SPATA19: variants seen among roughly 807,000 people sequenced by gnomAD.
SPATA19 encodes spermatogenesis associated 19.
Under a neutral mutation model 25.0 loss-of-function variants are expected in SPATA19, and 19 were observed. The ratio of observed to expected loss-of-function variants is 0.76; its 90% CI spans 0.53 to 1.11. The LOEUF (loss-of-function observed/expected upper bound fraction) is 1.11. Among genes scored for constraint, SPATA19 ranks in the 50% most tolerant of loss-of-function variants. SPATA19 has a pLI of 0.00. For missense variants in SPATA19, 222 were observed against 211.4 expected (o/e 1.05, Z -0.31); for synonymous variants, 64 against 69.3 (o/e 0.92, Z 0.38).
chr11:133,842,676 G>T, intron 4 of SPATA19, 114 bp from the exon 5 acceptor site: 1 of 845,608 alleles, frequency 1.2e-6, no homozygotes, highest in Non-Finnish European at 2.0e-6. Context: ...CTGACACCAT[G>T]AACTTTTGAG....
chr11:133,841,395 T>G (rs975842115), intron 6 of SPATA19, among the ~76,000 whole-genome samples: 2 of 152,230 alleles, frequency 1.3e-5, no homozygotes. Context: ...GTAAGCATGC[T>G]GAGGTCGCTG....
downstream of SPATA19, among the ~76,000 whole-genome samples, chr11:133,836,174 G>T (rs1938208995): frequency 6.6e-6 from 1 of 152,080 alleles, no homozygotes; most frequent in Non-Finnish European, 1.5e-5. Flanking sequence ...GGTTTTTGGT[G>T]TGTCCATGAA....
At position 133,844,279 on chromosome 11, in the gene SPATA19, T is replaced by C; in HGVS notation, c.326A>G (p.Glu109Gly). 6.2e-7 allele frequency: 1 copy of C among 1,614,178 alleles called. No homozygotes were observed. Among genetic ancestry groups the C allele is most frequent in the South Asian group, 1.1e-5 (1 of 91,084 alleles). Residue 109 changes from glutamate (E) to glycine (G), a missense_variant, in exon 4 of 7, where the codon GAG becomes GGG. Transcript: ENST00000299140. Reference protein sequence around the residue: ...LLANQSQEVLEERTRIQFIRW... With the variant: ...LLANQSQEVLGERTRIQFIRW... ...TATGAACTGGATTCGTGTTCTCTCC[T>C]CTAGGACCTCTTGGCTCTGGTTTGC... is the stretch of plus-strand genomic sequence containing the variant.
downstream of SPATA19, among the ~76,000 whole-genome samples, chr11:133,837,166 A>G (rs1372576273): frequency 6.6e-6 from 1 of 152,182 alleles, no homozygotes; most frequent in African/African-American, 2.4e-5. Flanking sequence ...CATCCTAACA[A>G]TAAGAACTGA....
intron 2 of SPATA19, 107 bp from the exon 3 acceptor site, chr11:133,844,747 A>G: frequency 7.9e-7 from 1 of 1,266,670 alleles, no homozygotes; most frequent in African/African-American, 1.5e-5. Context: ...CTCACACACC[A>G]CATATTCACA....
chr11:133,842,949 T>A (rs1938342560), intron 4 of SPATA19, among the ~76,000 whole-genome samples: 1 of 152,168 alleles, frequency 6.6e-6, no homozygotes, highest in Non-Finnish European at 1.5e-5. Flanking sequence ...GGTTCAGAGA[T>A]GCTTCTAGGA....
intron 6 of SPATA19, among the ~76,000 whole-genome samples, chr11:133,841,725 G>T (rs748891071): frequency 4.6e-5 from 7 of 152,178 alleles, no homozygotes; most frequent in African/African-American, 1.7e-4. Context: ...AAAATTGCAG[G>T]CTCCACCACA....
intron 6 of SPATA19, 42 bp downstream of exon 6, chr11:133,841,988 A>C (rs1303040797): frequency 6.3e-7 from 1 of 1,576,252 alleles, no homozygotes; most frequent in African/African-American, 1.3e-5. Flanking sequence ...GCCCAGGATA[A>C]CCATCTTCTC....
intron 5 of SPATA19, 75 bp from the exon 6 acceptor site, chr11:133,842,180 G>A: frequency 1.4e-6 from 2 of 1,461,660 alleles, no homozygotes; most frequent in East Asian, 4.5e-5. Flanking sequence ...CCACGGCACA[G>A]GGGCTGCGGT....
In SPATA19 at chr11:133,842,117, AGAG is replaced by A. The variant is rs1275469823; in HGVS notation, c.438-15_438-13del. The A allele has an allele frequency of 6.2e-7, 1 of 1,613,828 alleles. No homozygotes were observed. The highest frequency in any genetic ancestry group is 1.7e-5 in the Admixed American group (1 of 60,034). On this transcript the variant is annotated splice_polypyrimidine_tract_variant and intron_variant, in intron 5 of 6. Coordinates refer to ENST00000299140, the MANE Select transcript of SPATA19 (RefSeq NM_174927.3). ...TAAGACGGGATATGCTGCAGGGGACAGAGGAGAAGGGCCAGGTGGAGGGAGGCT... is the reference window on the plus strand; with the variant it reads ...TAAGACGGGATATGCTGCAGGGGACAGAGAAGGGCCAGGTGGAGGGAGGCT...
chr11:133,838,940 C>T (rs1356172352), downstream of SPATA19, among the ~76,000 whole-genome samples: 2 of 152,162 alleles, frequency 1.3e-5, no homozygotes, highest in Admixed American at 6.5e-5. Flanking sequence ...ATGCTCATCA[C>T]CACTGGCCAT....
intron 2 of SPATA19, 93 bp downstream of exon 2, chr11:133,845,041 G>T: frequency 9.1e-7 from 1 of 1,093,102 alleles, no homozygotes; most frequent in Non-Finnish European, 1.4e-6. Flanking sequence ...TTGAGTTCCA[G>T]TTCCATGAAG....
chr11:133,841,366 G>A (rs1297118437), intron 6 of SPATA19, among the ~76,000 whole-genome samples: 1 of 152,198 alleles, frequency 6.6e-6, no homozygotes, highest in Non-Finnish European at 1.5e-5. Flanking sequence ...TGCCGGTACT[G>A]CTCTCCAACA....
At position 133,844,762 on chromosome 11, in the gene SPATA19, T is replaced by C. The variant is rs1591686516; in HGVS notation, c.136-122A>G. On this transcript the variant is annotated intron_variant, in intron 2 of 6. Transcript: ENST00000299140. Reference sequence around the variant, plus strand: ...CTCACACACCACATATTCACACACATACACTCCTTACCTCACTGTTCCCAC... The same window carrying C: ...CTCACACACCACATATTCACACACACACACTCCTTACCTCACTGTTCCCAC... 5 of 1,152,858 alleles carry C rather than the reference T, an allele frequency of 4.3e-6. No homozygotes were observed. In the South Asian group the frequency reaches 7.7e-5, roughly 18 times the overall value. The allele number at this position is 1,152,858 out of a possible 1,614,324, so 71.4% of individuals were successfully genotyped here.
chr11:133,842,939 G>T (rs931292848), intron 4 of SPATA19, among the ~76,000 whole-genome samples: 4 of 152,144 alleles, frequency 2.6e-5, no homozygotes, highest in African/African-American at 9.7e-5. Flanking sequence ...CACCCACTGT[G>T]GTTCAGAGAT....
At position 133,844,275 on chromosome 11, in the gene SPATA19, C is replaced by T. The variant is rs368319886; in HGVS notation, c.330G>A (p.Glu110=). 8.1e-6 allele frequency: 13 copies of T among 1,614,212 alleles called. No individual in the cohort carries two copies. In the East Asian group the frequency reaches 2.9e-4, roughly 36 times the overall value. ...ATCTTATGAACTGGATTCGTGTTCT[C>T]TCCTCTAGGACCTCTTGGCTCTGGT... ...LANQSQEVLE[E]RTRIQFIRWS... is the part of the protein sequence containing the mutation. Residue 110 remains glutamate, a synonymous_variant, in exon 4 of 7, where the codon GAG becomes GAA. Coordinates refer to ENST00000299140, the MANE Select transcript of SPATA19 (RefSeq NM_174927.3).
chr11:133,842,692 C>G, intron 4 of SPATA19, 130 bp from the exon 5 acceptor site: 1 of 754,450 alleles, frequency 1.3e-6, no homozygotes, highest in South Asian at 1.6e-5. Flanking sequence ...TTGAGCTGGT[C>G]TCTCCCCCTT....
intron 5 of SPATA19, 40 bp from the exon 6 acceptor site, chr11:133,842,145 T>G: frequency 1.3e-6 from 2 of 1,593,446 alleles, no homozygotes; most frequent in African/African-American, 1.3e-5. Context: ...GGAGGGAGGC[T>G]GCCTGATAGC....
At chr11:133,839,302 C>G (rs1938262253), downstream of SPATA19, among the ~76,000 whole-genome samples, 1 of 152,110 alleles carries the variant, frequency 6.6e-6, no homozygotes, top group Non-Finnish European at 1.5e-5. Flanking sequence ...CAATGATAGA[C>G]TGGATTAAGA....
Sources: allele counts gnomAD v4.1 joint callset (sites outside exome capture counted in the v4.1 genomes callset), GRCh38; gene constraint gnomAD v4.1.1; transcripts MANE v1.5; gene names NCBI Gene and HGNC (gene_info 2026-07-23, HGNC 2026-07-21).